RGS7: variants seen among roughly 807,000 people sequenced by gnomAD.
RGS7 encodes regulator of G protein signaling 7, also known as regulator of G-protein signaling 7.
A neutral mutation model predicts 81.1 loss-of-function variants in RGS7; 27 were observed. The observed-to-expected ratio is 0.33, with a 90% CI of 0.25 to 0.46. The LOEUF (loss-of-function observed/expected upper bound fraction) is 0.46, where lower values mean the gene tolerates loss of function less well. RGS7 is among the 20% of genes least tolerant of loss of function. The pLI, the probability that RGS7 is intolerant of heterozygous loss-of-function variation, is 1.00. For synonymous variants in RGS7, 208 were observed against 207.7 expected (o/e 1.00, Z -0.01); for missense variants, 396 against 607.4 (o/e 0.65, Z 3.66).
intron 3 of RGS7, among the ~76,000 whole-genome samples, chr1:241,087,972 CTCTCTATATA>C (rs1451057042): frequency 1.9e-4 from 17 of 90,556 alleles, no homozygotes; most frequent in African/African-American, 5.6e-4. Context: ...CTCTCTCTCT[CTCTCTATATA>C]TATATATATA....
At chr1:241,154,572 A>T (rs935831222) in intron 2 of RGS7, among the ~76,000 whole-genome samples, 2 of 152,248 alleles carry the variant, frequency 1.3e-5, no homozygotes, top group Non-Finnish European at 2.9e-5. Context: ...CTTGAAAATG[A>T]ATCTGCTACT....
intron 3 of RGS7, among the ~76,000 whole-genome samples, chr1:241,017,304 G>C (rs935364011): frequency 1.3e-5 from 2 of 152,092 alleles, no homozygotes; most frequent in Admixed American, 1.3e-4. Context: ...AGCTGGGCGT[G>C]GTGGCGCACG....
At chr1:240,920,441 C>T in intron 6 of RGS7, 1 of 1,143,698 alleles carries the variant, frequency 8.7e-7, no homozygotes, top group Non-Finnish European at 1.3e-6. Flanking sequence ...ATGATTTTGG[C>T]AATTACAACA....
At chr1:241,186,715 C>T (rs539155524) in intron 2 of RGS7, among the ~76,000 whole-genome samples, 41 of 151,500 alleles carry the variant, frequency 2.7e-4, no homozygotes, top group Admixed American at 1.9e-3. Context: ...TTAGTAGAGA[C>T]GGGGTTTCTC....
intron 2 of RGS7, among the ~76,000 whole-genome samples, chr1:241,270,768 T>TTC (rs1398107943): frequency 6.6e-6 from 1 of 151,148 alleles, no homozygotes; most frequent in Non-Finnish European, 1.5e-5. Flanking sequence ...CCCCTTTTTT[T>TTC]TTTTCTTGAG....
chr1:240,928,787 T>C (rs1354699625), intron 6 of RGS7, among the ~76,000 whole-genome samples: 1 of 151,904 alleles, frequency 6.6e-6, no homozygotes, highest in Non-Finnish European at 1.5e-5. Flanking sequence ...ATTTTTGTAT[T>C]TTTAGTAGAG....
intron 4 of RGS7, among the ~76,000 whole-genome samples, chr1:240,978,679 ATGT>A (rs1431622823): frequency 2.0e-5 from 3 of 152,196 alleles, no homozygotes; most frequent in Non-Finnish European, 4.4e-5. Flanking sequence ...ATATCAGTAA[ATGT>A]TGTTTCAAAA....
intron 2 of RGS7, among the ~76,000 whole-genome samples, chr1:241,182,387 AG>A (rs1475918229): frequency 6.6e-6 from 1 of 152,184 alleles, no homozygotes; most frequent in Non-Finnish European, 1.5e-5. Flanking sequence ...GCACCTCACC[AG>A]GCAACTGAGA....
intron 6 of RGS7, among the ~76,000 whole-genome samples, chr1:240,909,006 C>A (rs1671296352): frequency 1.3e-5 from 2 of 152,206 alleles, no homozygotes; most frequent in African/African-American, 4.8e-5. Context: ...CTAATTCGGA[C>A]TTTCCTAGAA....
intron 2 of RGS7, among the ~76,000 whole-genome samples, chr1:241,108,752 C>T (rs886691244): frequency 1.2e-4 from 19 of 152,100 alleles, no homozygotes; most frequent in Non-Finnish European, 2.4e-4. Flanking sequence ...GGAGGCAGAG[C>T]ACACGAATAC....
At chr1:241,344,990 C>T (rs2082796876) in intron 2 of RGS7, among the ~76,000 whole-genome samples, 1 of 152,124 alleles carries the variant, frequency 6.6e-6, no homozygotes, top group South Asian at 2.1e-4. Context: ...ACATAAATGC[C>T]CATTAATAAC....
intron 10 of RGS7, among the ~76,000 whole-genome samples, chr1:240,823,744 G>C (rs1692258125): frequency 6.6e-6 from 1 of 152,062 alleles, no homozygotes; most frequent in Non-Finnish European, 1.5e-5. Context: ...ATGAGATTTT[G>C]AACTCGCCAA....
At chr1:241,062,474 T>A (rs2061790418) in intron 3 of RGS7, among the ~76,000 whole-genome samples, 1 of 152,156 alleles carries the variant, frequency 6.6e-6, no homozygotes, top group Non-Finnish European at 1.5e-5. Context: ...GAGACTGAGG[T>A]AAGAGAGACT....
chr1:240,951,885 C>T (rs943642448), intron 4 of RGS7, among the ~76,000 whole-genome samples: 7 of 151,822 alleles, frequency 4.6e-5, no homozygotes, highest in East Asian at 3.9e-4. Flanking sequence ...TTGAAAAAAG[C>T]GAGAAAAATA....
intron 3 of RGS7, among the ~76,000 whole-genome samples, chr1:241,022,481 A>C (rs1479474755): frequency 6.6e-6 from 1 of 152,228 alleles, no homozygotes; most frequent in Non-Finnish European, 1.5e-5. Flanking sequence ...TTAGTGTTTG[A>C]GATACTTTGC....
At chr1:241,071,346 C>T (rs1471632756) in intron 3 of RGS7, among the ~76,000 whole-genome samples, 3 of 151,688 alleles carry the variant, frequency 2.0e-5, no homozygotes, top group Non-Finnish European at 4.4e-5. Context: ...GGAACTGACC[C>T]GAATAGAAAG....
rs529794908 is a variant in RGS7 at position 240,924,030 on chromosome 1, T to C, written c.385+6687A>G. Among the ~76,000 whole-genome samples the C allele has an allele frequency of 2.0e-5, 3 of 152,310 alleles. No individual in the cohort carries two copies. In the East Asian group the frequency reaches 5.8e-4, roughly 29 times the overall value. On this transcript the variant is annotated intron_variant, in intron 6 of 18. Transcript: ENST00000440928. ...AAATTAGTTCACCATGTATTTGATC[T>C]CTTTAGTTGGTCATAAATCCCTTGT...
intron 2 of RGS7, among the ~76,000 whole-genome samples, chr1:241,261,027 C>G (rs928878881): frequency 2.0e-5 from 3 of 151,582 alleles, no homozygotes; most frequent in Admixed American, 2.0e-4. Context: ...ACGTATGTAA[C>G]TAACCTGCAC....
chr1:240,982,603 T>TTC (rs201762589), intron 4 of RGS7, among the ~76,000 whole-genome samples: 24 of 151,820 alleles, frequency 1.6e-4, no homozygotes, highest in African/African-American at 5.6e-4. Context: ...AATAGAGCGT[T>TTC]TCTCTCTCTC....
Sources: allele counts gnomAD v4.1 joint callset (sites outside exome capture counted in the v4.1 genomes callset), GRCh38; gene constraint gnomAD v4.1.1; transcripts MANE v1.5; gene names NCBI Gene and HGNC (gene_info 2026-07-23, HGNC 2026-07-21).